EXOC4: variants seen among roughly 807,000 people sequenced by gnomAD.
EXOC4 encodes the protein exocyst complex component 4, also known as SEC8-like 1.
EXOC4 carries 71 observed loss-of-function variants against 107.2 expected under a neutral mutation model. The ratio of observed to expected loss-of-function variants is 0.66; its 90% CI spans 0.55 to 0.81. The LOEUF (loss-of-function observed/expected upper bound fraction) is 0.81. Among genes scored for constraint, EXOC4 ranks in the 30% least tolerant of loss-of-function variants. EXOC4 has a pLI of 0.00. For synonymous variants in EXOC4, 456 were observed against 441.2 expected (o/e 1.03, Z -0.42); for missense variants, 1,108 against 1,189.6 (o/e 0.93, Z 1.01).
At chr7:133,825,577 C>A (rs1284568590) in intron 11 of EXOC4, among the ~76,000 whole-genome samples, 1 of 152,134 alleles carries the variant, frequency 6.6e-6, no homozygotes, top group Non-Finnish European at 1.5e-5. Context: ...ATCTCCCCAG[C>A]CAAGCTAAGG....
At chr7:133,986,981 G>C (rs533318718) in intron 14 of EXOC4, among the ~76,000 whole-genome samples, 3 of 152,082 alleles carry the variant, frequency 2.0e-5, no homozygotes, top group African/African-American at 7.2e-5. Flanking sequence ...TGTAGGCCTC[G>C]TGAATCCTTA....
chr7:133,659,416 T>C (rs768650408), intron 10 of EXOC4, among the ~76,000 whole-genome samples: 10 of 152,170 alleles, frequency 6.6e-5, no homozygotes, highest in Non-Finnish European at 1.2e-4. Flanking sequence ...AAGGATGCTC[T>C]AAGGGCCTTG....
At chr7:133,342,163 GTT>G (rs2150628090) in intron 5 of EXOC4, among the ~76,000 whole-genome samples, 1 of 151,932 alleles carries the variant, frequency 6.6e-6, no homozygotes, top group African/African-American at 2.4e-5. Context: ...AGGAGGTTCT[GTT>G]TTGTTGTATT....
intron 10 of EXOC4, among the ~76,000 whole-genome samples, chr7:133,648,721 T>A (rs1803056671): frequency 6.6e-6 from 1 of 152,192 alleles, no homozygotes. Flanking sequence ...GGATTTGCAA[T>A]TTGATTCAGA....
chr7:133,312,957 C>T (rs1794908246), intron 4 of EXOC4, among the ~76,000 whole-genome samples: 1 of 151,914 alleles, frequency 6.6e-6, no homozygotes. Flanking sequence ...TCGGTTTAAC[C>T]TTGCTTCCTC....
chr7:134,082,340 C>T, the EXOC4 span, among the ~76,000 whole-genome samples: 4 of 152,288 alleles, frequency 2.6e-5, no homozygotes, highest in South Asian at 8.3e-4. Context: ...ACTGTCATGG[C>T]ACTGATAGGA....
intron 17 of EXOC4, among the ~76,000 whole-genome samples, chr7:134,020,886 T>C (rs1795012920): frequency 6.6e-6 from 1 of 151,638 alleles, no homozygotes; most frequent in African/African-American, 2.4e-5. Flanking sequence ...CTTGGGAGGC[T>C]GAAGCAGGAG....
At chr7:133,669,536 A>G (rs1438904050) in intron 10 of EXOC4, among the ~76,000 whole-genome samples, 1 of 151,862 alleles carries the variant, frequency 6.6e-6, no homozygotes, top group Non-Finnish European at 1.5e-5. Flanking sequence ...AATTTTAGAA[A>G]CCAATTAAAT....
At chr7:133,454,159 G>A (rs962481799) in intron 7 of EXOC4, among the ~76,000 whole-genome samples, 6 of 152,042 alleles carry the variant, frequency 3.9e-5, no homozygotes, top group African/African-American at 1.4e-4. Context: ...GACTGAAAAC[G>A]TTATAAATAT....
intron 9 of EXOC4, among the ~76,000 whole-genome samples, chr7:133,503,061 C>T (rs1799603753): frequency 2.6e-5 from 4 of 152,212 alleles, no homozygotes; most frequent in Middle Eastern, 3.4e-3. Flanking sequence ...GTAATATGTA[C>T]TATTTATAGA....
chr7:133,367,854 T>C (rs977889828), intron 6 of EXOC4, among the ~76,000 whole-genome samples: 3 of 151,928 alleles, frequency 2.0e-5, no homozygotes, highest in Non-Finnish European at 4.4e-5. Flanking sequence ...ACCATAGTTC[T>C]CCTTTTTGTT....
At chr7:133,485,967 C>T (rs932423873) in intron 9 of EXOC4, among the ~76,000 whole-genome samples, 16 of 151,908 alleles carry the variant, frequency 1.1e-4, no homozygotes, top group Admixed American at 4.6e-4. Context: ...TTTTCTATCT[C>T]GGGGCTACTT....
intron 14 of EXOC4, among the ~76,000 whole-genome samples, chr7:133,983,669 A>G (rs1041320637): frequency 9.9e-5 from 15 of 151,920 alleles, no homozygotes; most frequent in Admixed American, 3.3e-4. Context: ...TCTGCCATGT[A>G]ATATTTTTGC....
intron 10 of EXOC4, among the ~76,000 whole-genome samples, chr7:133,732,127 TC>T (rs1221111383): frequency 6.6e-6 from 1 of 152,120 alleles, no homozygotes; most frequent in African/African-American, 2.4e-5. Context: ...AGGAACAAGA[TC>T]CTGTCCTTTG....
chr7:133,457,791 A>G (rs1157850868), intron 7 of EXOC4, among the ~76,000 whole-genome samples: 2 of 152,074 alleles, frequency 1.3e-5, no homozygotes, highest in African/African-American at 2.4e-5. Flanking sequence ...ATATTGTATT[A>G]CTTTTTCACT....
chr7:133,358,994 A>G (rs1796083097), intron 6 of EXOC4, among the ~76,000 whole-genome samples: 1 of 152,192 alleles, frequency 6.6e-6, no homozygotes, highest in Non-Finnish European at 1.5e-5. Context: ...ATTGGACACT[A>G]ACAAGTGAAT....
intron 14 of EXOC4, among the ~76,000 whole-genome samples, chr7:133,963,852 A>G (rs917770050): frequency 2.6e-5 from 4 of 152,186 alleles, no homozygotes; most frequent in Admixed American, 1.3e-4. Flanking sequence ...TGGGGCCATT[A>G]TCTACATAAG....
intron 6 of EXOC4, among the ~76,000 whole-genome samples, chr7:133,357,631 A>G (rs1266397218): frequency 6.6e-6 from 1 of 152,202 alleles, no homozygotes; most frequent in Admixed American, 6.5e-5. Context: ...TACTGTTTAT[A>G]CCTAGGGCTC....
intron 8 of EXOC4, among the ~76,000 whole-genome samples, chr7:133,476,785 C>G (rs1480629315): frequency 6.6e-6 from 1 of 152,170 alleles, no homozygotes; most frequent in Non-Finnish European, 1.5e-5. Context: ...AAGTTACTAT[C>G]TCACGTAACA....
Sources: allele counts gnomAD v4.1 joint callset (sites outside exome capture counted in the v4.1 genomes callset), GRCh38; gene constraint gnomAD v4.1.1; transcripts MANE v1.5; gene names NCBI Gene and HGNC (gene_info 2026-07-23, HGNC 2026-07-21).